Variants in TENM2 observed in about 807,000 individuals in gnomAD.
TENM2 encodes teneurin transmembrane protein 2.
A neutral mutation model predicts 245.2 loss-of-function variants in TENM2; 52 were observed. The observed-to-expected ratio is 0.21, with a 90% confidence interval of 0.17 to 0.27. The LOEUF (loss-of-function observed/expected upper bound fraction) is 0.27, where lower values mean the gene tolerates loss of function less well. Ranked by LOEUF, TENM2 falls within the 10% of genes least tolerant of loss-of-function variation. The probability of loss-of-function intolerance (pLI) is 1.00; values close to 1 mark genes in which losing one functional copy is unlikely to be tolerated. For synonymous variants in TENM2, 1,363 were observed against 1,438.9 expected, an observed-to-expected ratio of 0.95 and a Z score of 1.19; for missense variants, 3,046 against 3,666.8, an observed-to-expected ratio of 0.83 and a Z score of 4.37.
chr5:168,014,393 G>A lies in TENM2; in HGVS notation c.1186+21211G>A, dbSNP rs181357842. 4.9e-3 allele frequency among the ~76,000 whole-genome samples: 738 copies of A among 151,982 alleles called. 4 individuals are homozygous for A. Among genetic ancestry groups the A allele is most frequent in the Middle Eastern group, 0.014 (4 of 294 alleles). On this transcript the variant is annotated intron_variant, in intron 5 of 28. Transcript: ENST00000518659. ...TGTAATTAGTAAGTAAGAGGGCCAGGTCTCAGCCCCAAGTGCGCTGGCCTC... is the reference window on the plus strand; with the variant it reads ...TGTAATTAGTAAGTAAGAGGGCCAGATCTCAGCCCCAAGTGCGCTGGCCTC...
At chr5:167,989,982 G>A (rs1001297042) in intron 4 of TENM2, among the ~76,000 whole-genome samples, 2 of 152,192 alleles carry the variant, frequency 1.3e-5, no homozygotes, top group Non-Finnish European at 1.5e-5. Flanking sequence ...CCCATCAGTG[G>A]TGGCTGAAGA....
chr5:167,117,419 C>T, the TENM2 span, among the ~76,000 whole-genome samples: 214 of 152,262 alleles, frequency 1.4e-3, 1 homozygote, highest in African/African-American at 4.6e-3. Context: ...AGGAGAATGG[C>T]GTGAACCCGG....
chr5:167,786,411 A>G (rs908197937), intron 2 of TENM2, among the ~76,000 whole-genome samples: 8 of 152,220 alleles, frequency 5.3e-5, no homozygotes, highest in African/African-American at 1.9e-4. Flanking sequence ...AAGACCCTCC[A>G]TTGTAATGAC....
At chr5:167,418,288 C>G (rs1204969425) in intron 2 of TENM2, among the ~76,000 whole-genome samples, 1 of 149,784 alleles carries the variant, frequency 6.7e-6, no homozygotes, top group Non-Finnish European at 1.5e-5. Context: ...GAGATTGTGC[C>G]ATTGCAACAA....
At chr5:168,036,569 G>C (rs1260289136) in intron 5 of TENM2, among the ~76,000 whole-genome samples, 2 of 150,462 alleles carry the variant, frequency 1.3e-5, no homozygotes, top group Non-Finnish European at 3.0e-5. Context: ...ATGGGAGGTG[G>C]AGGTTGCAGT....
chr5:167,599,348 A>G (rs1349842116), intron 2 of TENM2, among the ~76,000 whole-genome samples: 2 of 152,168 alleles, frequency 1.3e-5, no homozygotes, highest in Non-Finnish European at 2.9e-5. Context: ...GGGCATTTTA[A>G]TTGATTTTTT....
At chr5:167,570,416 C>G (rs984381862) in intron 2 of TENM2, among the ~76,000 whole-genome samples, 3 of 148,454 alleles carry the variant, frequency 2.0e-5, no homozygotes, top group African/African-American at 7.4e-5. Context: ...CTTAAAACGG[C>G]TGTTTTCAAT....
chr5:168,230,653 C>A (rs943127478), intron 25 of TENM2, among the ~76,000 whole-genome samples: 1 of 152,180 alleles, frequency 6.6e-6, no homozygotes, highest in Non-Finnish European at 1.5e-5. Context: ...CTTAGTCTTG[C>A]TGTGTCTTTT....
At chr5:167,640,230 G>A (rs1779465398) in intron 2 of TENM2, among the ~76,000 whole-genome samples, 2 of 152,162 alleles carry the variant, frequency 1.3e-5, no homozygotes, top group African/African-American at 4.8e-5. Flanking sequence ...CCGGACTTTG[G>A]TTATCTCGTT....
intron 2 of TENM2, among the ~76,000 whole-genome samples, chr5:167,620,599 CA>C (rs1286031950): frequency 8.8e-6 from 1 of 113,948 alleles, no homozygotes; most frequent in East Asian, 3.1e-4. Flanking sequence ...ATGTGCTATA[CA>C]AAAGCTGTCT....
intron 2 of TENM2, among the ~76,000 whole-genome samples, chr5:167,590,367 C>T (rs1230237149): frequency 6.6e-6 from 1 of 151,858 alleles, no homozygotes; most frequent in Non-Finnish European, 1.5e-5. Flanking sequence ...TATATTTTCT[C>T]CTAGCAATTA....
At chr5:167,056,532 A>G in the TENM2 span, among the ~76,000 whole-genome samples, 3 of 141,522 alleles carry the variant, frequency 2.1e-5, no homozygotes, top group Non-Finnish European at 3.0e-5. Context: ...ATATATCTAT[A>G]TATCTATAAA....
chr5:167,456,756 C>T (rs1450113925), intron 2 of TENM2, among the ~76,000 whole-genome samples: 1 of 152,190 alleles, frequency 6.6e-6, no homozygotes, highest in Non-Finnish European at 1.5e-5. Flanking sequence ...TTTCATCCAT[C>T]TAATTTTCAT....
chr5:167,611,200 T>A (rs145147845), intron 2 of TENM2, among the ~76,000 whole-genome samples: 1 of 152,316 alleles, frequency 6.6e-6, no homozygotes, highest in East Asian at 1.9e-4. Flanking sequence ...AGTGTACCCT[T>A]TTCAGATCAG....
chr5:166,987,420 G>GGTGTGTGTGT, the TENM2 span, among the ~76,000 whole-genome samples: 9 of 147,190 alleles, frequency 6.1e-5, no homozygotes, highest in East Asian at 1.6e-3. Context: ...GTTTAGTAAG[G>GGTGTGTGTGT]GTGTGTGTGT....
chr5:167,390,515 C>G (rs1181039768), intron 2 of TENM2, among the ~76,000 whole-genome samples: 1 of 152,084 alleles, frequency 6.6e-6, no homozygotes, highest in Non-Finnish European at 1.5e-5. Flanking sequence ...ATCATAAACA[C>G]AGTGGTGGCC....
chr5:167,900,698 C>T (rs903425116), intron 3 of TENM2, among the ~76,000 whole-genome samples: 3 of 152,204 alleles, frequency 2.0e-5, no homozygotes, highest in South Asian at 2.1e-4. Context: ...TTAATCACTG[C>T]GTTGGTTAAT....
Position 168,218,638 on chromosome 5 carries a change from T to C in TENM2, c.4747T>C (p.Tyr1583His), listed in dbSNP as rs756761706. ...GCCTGTTCTTAATGCCTTCAACCAG[T>C]ATGAGGCTGCATCCCCCGGAGAGCA... Residue 1583 changes from tyrosine to histidine, a missense_variant, in exon 23 of 29, where the codon TAT (tyrosine) becomes CAT (histidine). By Grantham distance (83) the Tyr-to-His change is moderately conservative (BLOSUM62 2). Coordinates refer to ENST00000518659, the Ensembl canonical transcript of TENM2. The surrounding 1 kb of genome is among the most constrained non-coding windows in gnomAD (Gnocchi z 5.2). The C allele has an allele frequency of 3.7e-6, 6 of 1,613,972 alleles. No individual in the cohort carries two copies. Among genetic ancestry groups the C allele is most frequent in the East Asian group, 4.5e-5 (2 of 44,882 alleles).
At chr5:168,260,899 G>C (rs2152722465) in intron 28 of TENM2, among the ~76,000 whole-genome samples, 1 of 152,288 alleles carries the variant, frequency 6.6e-6, no homozygotes, top group Non-Finnish European at 1.5e-5. Context: ...TTTCTGCGAT[G>C]ACCGAGGGGT....
Sources: allele counts gnomAD v4.1 joint callset (sites outside exome capture counted in the v4.1 genomes callset), GRCh38; gene constraint gnomAD v4.1.1; non-coding constraint Gnocchi (gnomAD v3.1); transcripts MANE v1.5; gene names NCBI Gene and HGNC (gene_info 2026-07-23, HGNC 2026-07-21).